The following ZBTB21 variants were observed in gnomAD, a reference collection of about 807,000 sequenced individuals.
ZBTB21 encodes zinc finger and BTB domain-containing protein 21.
A neutral mutation model predicts 39.8 loss-of-function variants in ZBTB21; 10 were observed. The observed-to-expected ratio is 0.25, with a 90% CI of 0.16 to 0.43. The LOEUF (loss-of-function observed/expected upper bound fraction) is 0.43, where lower values mean the gene tolerates loss of function less well. ZBTB21 is among the 20% of genes least tolerant of loss of function. The pLI is 1.00. For synonymous variants in ZBTB21, 551 were observed against 498.8 expected, an observed-to-expected ratio of 1.10 and a Z score of -1.40; for missense variants, 1,221 against 1,296.3, an observed-to-expected ratio of 0.94 and a Z score of 0.89.
chr21:42,001,180 G>T (rs1222037620), intron 2 of ZBTB21, among the ~76,000 whole-genome samples: 4 of 148,876 alleles, frequency 2.7e-5, no homozygotes, highest in African/African-American at 9.9e-5. Flanking sequence ...CAGCTGGCTT[G>T]GATCCAGAGG....
At position 41,991,116 on chromosome 21, in the gene ZBTB21, G is replaced by A; in HGVS notation, c.2980C>T (p.Pro994Ser). 6.2e-7 allele frequency: 1 copy of A among 1,613,696 alleles called. No individual in the cohort carries two copies. Among genetic ancestry groups the A allele is most frequent in the Non-Finnish European group, 8.5e-7 (1 of 1,179,750 alleles). Residue 994 changes from proline (P) to serine (S), a missense_variant, in exon 3 of 3, where the codon CCC (proline) becomes TCC (serine). Pro to Ser is a moderately conservative substitution (Grantham distance 74). Coordinates refer to ENST00000310826, the MANE Select transcript of ZBTB21 (RefSeq NM_001098402.2). This position sits in a 1 kb window ranked among gnomAD's most constrained non-coding sequence, Gnocchi z 4.9. The stretch of plus-strand genomic sequence containing the variant: ...TCAGGCTCCAGAGGCTGGATCTTGG[G>A]CAGTGGTGGTGGCGGTGGCAGAGGT... ...PPPLPPPPPL[P>S]KIQPLEPDSP...
At chr21:41,998,192 A>ATT (rs112739106) in intron 2 of ZBTB21, among the ~76,000 whole-genome samples, 225 of 122,232 alleles carry the variant, frequency 1.8e-3, no homozygotes, top group African/African-American at 6.2e-3. Context: ...CATCCTTTTC[A>ATT]TTTTTTTTTT....
At chr21:41,999,961 G>A (rs1243365330) in intron 2 of ZBTB21, among the ~76,000 whole-genome samples, 2 of 152,224 alleles carry the variant, frequency 1.3e-5, no homozygotes, top group Non-Finnish European at 2.9e-5. Flanking sequence ...GGATTGCTCT[G>A]GCTCTGTTGT....
chr21:42,010,194 G>T (rs1052295360), intron 1 of ZBTB21, 58 bp downstream of exon 1: 3 of 394,832 alleles, frequency 7.6e-6, no homozygotes, highest in Non-Finnish European at 1.3e-5. Flanking sequence ...CGGGGAGGCT[G>T]TAGCCTCCCA....
In ZBTB21 at chr21:41,992,745, C is replaced by A. The variant is rs373472839; in HGVS notation, c.1351G>T (p.Ala451Ser). ...SDIIRVTVGD[A>S]ATTAAASSSS... ...GATGAGGCAGCTGCTGTTGTTGCCGCATCTCCCACAGTGACGCGGATGATG... is the reference window on the plus strand; with the variant it reads ...GATGAGGCAGCTGCTGTTGTTGCCGAATCTCCCACAGTGACGCGGATGATG... The change falls in exon 3 of 3, where the codon GCG becomes TCG. Residue 451 changes from alanine (A) to serine (S), a missense_variant. Ala to Ser is a moderately conservative substitution (Grantham distance 99). Transcript: ENST00000310826. The surrounding 1 kb of genome is among the most constrained non-coding windows in gnomAD (Gnocchi z 4.1). 8.1e-6 allele frequency: 13 copies of A among 1,614,166 alleles called. 1 individual carries two copies. The highest frequency in any genetic ancestry group is 9.3e-6 in the Non-Finnish European group (11 of 1,180,040).
chr21:42,006,150 C>T (rs2065875774), intron 1 of ZBTB21, among the ~76,000 whole-genome samples: 1 of 152,170 alleles, frequency 6.6e-6, no homozygotes, highest in African/African-American at 2.4e-5. Context: ...TGTGGTGGCT[C>T]ATGCCTGTAA....
Position 41,991,621 on chromosome 21 carries a change from C to G in ZBTB21, c.2475G>C (p.Arg825Ser). 1 of 1,614,076 alleles carries G rather than the reference C, an allele frequency of 6.2e-7. No individual in the cohort carries two copies. The highest frequency in any genetic ancestry group is 2.2e-5 in the East Asian group (1 of 44,876). ...DHNGDVTGSS[R>S]PQSQPEPNKV... ...TGTTGGGCTCAGGCTGGGATTGGGG[C>G]CTTGAAGAACCAGTCACATCACCAT... The change falls in exon 3 of 3, where the codon AGG (arginine) becomes AGC (serine). Residue 825 changes from arginine (R) to serine (S), a missense_variant. Arg to Ser is a moderately radical substitution (Grantham distance 110). Transcript: ENST00000310826. The surrounding 1 kb of genome is among the most constrained non-coding windows in gnomAD (Gnocchi z 4.9).
chr21:42,009,963 G>T (rs1219508258), intron 1 of ZBTB21, among the ~76,000 whole-genome samples: 3 of 152,226 alleles, frequency 2.0e-5, no homozygotes, highest in African/African-American at 7.2e-5. Flanking sequence ...AGTGAAGCCC[G>T]TGAGGGAATG....
At chr21:42,005,227 C>A (rs2065865182) in intron 1 of ZBTB21, among the ~76,000 whole-genome samples, 1 of 152,172 alleles carries the variant, frequency 6.6e-6, no homozygotes, top group Admixed American at 6.5e-5. Flanking sequence ...GTTAACAGCC[C>A]CATGATTTTG....
At chr21:42,006,377 T>G (rs1006309004) in intron 1 of ZBTB21, among the ~76,000 whole-genome samples, 1 of 150,700 alleles carries the variant, frequency 6.6e-6, no homozygotes, top group Non-Finnish European at 1.5e-5. Flanking sequence ...ATCGTGCCAC[T>G]ACACTCCAGT....
intron 2 of ZBTB21, among the ~76,000 whole-genome samples, chr21:42,000,786 C>T (rs980755349): frequency 2.6e-5 from 4 of 152,176 alleles, no homozygotes; most frequent in African/African-American, 9.7e-5. Context: ...AAGAGAAATA[C>T]TCACTGTCCC....
intron 1 of ZBTB21, among the ~76,000 whole-genome samples, chr21:42,008,984 TTTC>T (rs1238522047): frequency 6.6e-6 from 1 of 152,204 alleles, no homozygotes; most frequent in East Asian, 1.9e-4. Context: ...ATTAACCCAC[TTTC>T]TTGTCTTCTT....
Position 41,987,152 on chromosome 21 carries a change from T to TC in ZBTB21, c.*3742_*3743insG, listed in dbSNP as rs1419264469. On this transcript the variant is annotated 3_prime_UTR_variant, in exon 3 of 3. Coordinates refer to ENST00000310826, the MANE Select transcript of ZBTB21 (RefSeq NM_001098402.2). ...AACTAGTATTAACTGAGTATAACTGTGTGAAAAATCTGGACAGCATTAACA... is the reference window on the plus strand; with the variant it reads ...AACTAGTATTAACTGAGTATAACTGTCGTGAAAAATCTGGACAGCATTAACA... 1 of 152,290 alleles carries TC rather than the reference T, an allele frequency of 6.6e-6. No individual in the cohort carries two copies. The highest frequency in any genetic ancestry group is 1.5e-5 in the Non-Finnish European group (1 of 68,034). 9.4% of individuals were successfully genotyped at this position (152,290 alleles called of 1,614,324 possible).
In ZBTB21 at chr21:41,997,298, A is replaced by G. The variant is rs1457254018; in HGVS notation, c.-13-3190T>C. Among the ~76,000 whole-genome samples the G allele has an allele frequency of 2.0e-5, 3 of 152,222 alleles. No homozygotes were observed. The East Asian group carries it at 5.8e-4, about 29-fold the overall frequency. ...AATTACTAATGAAAGTGTTTACGCC[A>G]GGCACGGTGGCTCACGCTTGTAATC... On this transcript the variant is annotated intron_variant, in intron 2 of 2. Transcript: ENST00000310826.
chr21:42,007,587 C>T (rs1569116626), intron 1 of ZBTB21, among the ~76,000 whole-genome samples: 3 of 152,204 alleles, frequency 2.0e-5, no homozygotes, highest in African/African-American at 7.2e-5. Context: ...TAATTTGCCC[C>T]TAGCCAGCAG....
Position 41,993,454 on chromosome 21 carries a change from C to A in ZBTB21, c.642G>T (p.Val214=). ...TEKSWPKDSS[V]VYAKSLEHSG... Reference sequence around the variant, plus strand: ...AATGCTCAAGAGACTTTGCATATACCACAGAACTATCTTTCGGCCAACTCT... The same window carrying A: ...AATGCTCAAGAGACTTTGCATATACAACAGAACTATCTTTCGGCCAACTCT... The change falls in exon 3 of 3, where the codon GTG becomes GTT. Residue 214 remains valine (V), a synonymous_variant. Coordinates refer to ENST00000310826, the MANE Select transcript of ZBTB21 (RefSeq NM_001098402.2). 1 of 1,614,134 alleles carries A rather than the reference C, an allele frequency of 6.2e-7. No individual in the cohort carries two copies. Among genetic ancestry groups the A allele is most frequent in the Non-Finnish European group, 8.5e-7 (1 of 1,180,018 alleles).
chr21:41,991,366 G>A lies in ZBTB21; in HGVS notation c.2730C>T (p.Pro910=), dbSNP rs759050553. Residue 910 remains proline, a synonymous_variant, in exon 3 of 3, where the codon CCC becomes CCT. Transcript: ENST00000310826. The surrounding 1 kb of genome is among the most constrained non-coding windows in gnomAD (Gnocchi z 4.9). ...TGAACATCTTCCCACACTTCTCGCA[G>A]GGCCACAGGCTGGCTTCTTTGCTAG... ...AGPSKEASLW[P]CEKCGKMFTV... 1.9e-6 allele frequency: 3 copies of A among 1,606,126 alleles called. No individual in the cohort carries two copies. The highest frequency in any genetic ancestry group is 4.5e-5 in the East Asian group (2 of 44,836).
intron 1 of ZBTB21, among the ~76,000 whole-genome samples, chr21:42,009,870 G>A (rs1489672167): frequency 1.3e-5 from 2 of 152,172 alleles, no homozygotes; most frequent in Non-Finnish European, 2.9e-5. Flanking sequence ...TTCTCCACGA[G>A]GCGTTTCAAC....
chr21:42,003,390 A>G (rs907637055), intron 1 of ZBTB21, among the ~76,000 whole-genome samples: 6 of 152,216 alleles, frequency 3.9e-5, no homozygotes, highest in Non-Finnish European at 7.3e-5. Context: ...AGGACAGACA[A>G]TAATTAACAA....
Sources: allele counts gnomAD v4.1 joint callset (sites outside exome capture counted in the v4.1 genomes callset), GRCh38; gene constraint gnomAD v4.1.1; non-coding constraint Gnocchi (gnomAD v3.1); transcripts MANE v1.5; gene names NCBI Gene and HGNC (gene_info 2026-07-23, HGNC 2026-07-21).